LARGE1: variants seen among roughly 807,000 people sequenced by gnomAD.
LARGE1 encodes the protein LARGE xylosyl- and glucuronyltransferase 1.
Under a neutral mutation model 87.6 loss-of-function variants are expected in LARGE1, and 43 were observed. That is an observed-to-expected ratio of 0.49 (90% CI 0.38 to 0.63). LARGE1 has a LOEUF of 0.63. Ranked by LOEUF, LARGE1 falls within the 30% of genes least tolerant of loss-of-function variation. The pLI is 0.00. For synonymous variants in LARGE1, 434 were observed against 394.6 expected (o/e 1.10, Z -1.18); for missense variants, 802 against 1,000.2 (o/e 0.80, Z 2.67).
intron 1 of LARGE1, among the ~76,000 whole-genome samples, chr22:33,796,106 C>T (rs1264384544): frequency 4.6e-5 from 7 of 152,010 alleles, no homozygotes; most frequent in Non-Finnish European, 1.0e-4. Flanking sequence ...ATCTCTGGGC[C>T]TCAGTTTCTT....
chr22:33,124,395 A>AGGAAGGAAGGAAGGAAGGAAGG, the LARGE1 span, among the ~76,000 whole-genome samples: 35 of 148,034 alleles, frequency 2.4e-4, no homozygotes, highest in Admixed American at 3.4e-4. Context: ...GGAGGAAGGA[A>AGGAAGGAAGGAAGGAAGGAAGG]AATGATGGCT....
At chr22:33,649,259 T>C (rs572361531) in intron 3 of LARGE1, among the ~76,000 whole-genome samples, 2 of 152,164 alleles carry the variant, frequency 1.3e-5, no homozygotes, top group Non-Finnish European at 2.9e-5. Context: ...GAGGAAGCCA[T>C]TTGTTAGTGA....
At chr22:33,192,341 A>G (rs1187267430) in intron 11 of LARGE1, among the ~76,000 whole-genome samples, 6 of 152,186 alleles carry the variant, frequency 3.9e-5, no homozygotes, top group African/African-American at 1.4e-4. Context: ...GCCTATTAAA[A>G]GAACTTTCTT....
At chr22:33,409,764 G>C (rs998306316) in intron 7 of LARGE1, among the ~76,000 whole-genome samples, 3 of 151,632 alleles carry the variant, frequency 2.0e-5, no homozygotes, top group Non-Finnish European at 4.4e-5. Context: ...GGGAGGCTGA[G>C]GCAGGAGAAT....
intron 1 of LARGE1, among the ~76,000 whole-genome samples, chr22:33,803,089 G>C (rs979614783): frequency 4.6e-5 from 7 of 152,088 alleles, no homozygotes; most frequent in African/African-American, 1.4e-4. Flanking sequence ...CTCAACACCA[G>C]CAAAGTCCAC....
chr22:33,722,281 GGAGGGA>G (rs1339093582), intron 2 of LARGE1, among the ~76,000 whole-genome samples: 1 of 142,656 alleles, frequency 7.0e-6, no homozygotes, highest in Non-Finnish European at 1.6e-5. Flanking sequence ...GAGAGGGAGA[GGAGGGA>G]GAGGGAGAGG....
intron 3 of LARGE1, among the ~76,000 whole-genome samples, chr22:33,631,161 AT>A (rs376379301): frequency 0.4 from 59,382 of 148,036 alleles, 13,691 homozygotes; most frequent in South Asian, 0.61. Flanking sequence ...CCAACTGTCT[AT>A]TTTTTTTTTT....
intron 5 of LARGE1, among the ~76,000 whole-genome samples, chr22:33,600,928 G>T (rs1003462179): frequency 9.9e-5 from 15 of 152,116 alleles, no homozygotes; most frequent in African/African-American, 3.4e-4. Flanking sequence ...AGCTGGGCCT[G>T]GTAGTGCACG....
At chr22:33,338,431 T>A (rs1449861617) in intron 9 of LARGE1, among the ~76,000 whole-genome samples, 1 of 152,126 alleles carries the variant, frequency 6.6e-6, no homozygotes, top group Non-Finnish European at 1.5e-5. Flanking sequence ...ATCCTAGAGG[T>A]CTGGGTCCTG....
At chr22:33,154,958 G>A in the LARGE1 span, among the ~76,000 whole-genome samples, 1,438 of 152,286 alleles carry the variant, frequency 9.4e-3, 31 homozygotes, top group African/African-American at 0.033. Flanking sequence ...AAAAATGGGA[G>A]TTTCCCTGCA....
At chr22:33,749,964 G>A (rs1394253659) in intron 2 of LARGE1, among the ~76,000 whole-genome samples, 3 of 152,004 alleles carry the variant, frequency 2.0e-5, no homozygotes, top group Admixed American at 1.3e-4. Flanking sequence ...TTGCTCAAAC[G>A]GTACAACGTC....
chr22:33,192,704 T>C (rs1373451687), intron 11 of LARGE1, among the ~76,000 whole-genome samples: 2 of 151,900 alleles, frequency 1.3e-5, no homozygotes, highest in Non-Finnish European at 2.9e-5. Context: ...TTTGCTTTTG[T>C]GGCCTGTGCT....
At chr22:33,127,937 C>A in the LARGE1 span, among the ~76,000 whole-genome samples, 2 of 152,222 alleles carry the variant, frequency 1.3e-5, no homozygotes, top group Non-Finnish European at 2.9e-5. Flanking sequence ...ATATCTGGAA[C>A]ATTTTGTCCA....
intron 7 of LARGE1, among the ~76,000 whole-genome samples, chr22:33,425,564 T>C (rs1330329186): frequency 6.6e-6 from 1 of 152,182 alleles, no homozygotes; most frequent in Non-Finnish European, 1.5e-5. Context: ...GGAGTAGACA[T>C]TTCTATTGAG....
chr22:33,737,680 G>A (rs189752930), intron 2 of LARGE1: 4 of 152,274 alleles, frequency 2.6e-5, no homozygotes, highest in Admixed American at 6.5e-5. Flanking sequence ...ATTCAAGTAC[G>A]GGGGAAGTGG....
chr22:33,814,267 A>G (rs2086585153), intron 1 of LARGE1, among the ~76,000 whole-genome samples: 1 of 152,166 alleles, frequency 6.6e-6, no homozygotes, highest in Non-Finnish European at 1.5e-5. Flanking sequence ...CCCTAAAGCT[A>G]AGACACTGAG....
the LARGE1 span, among the ~76,000 whole-genome samples, chr22:33,138,445 T>TA: frequency 1.6e-5 from 2 of 122,568 alleles, no homozygotes; most frequent in South Asian, 4.2e-4. Flanking sequence ...GACTTTTATT[T>TA]TTTCATTTTT....
intron 6 of LARGE1, among the ~76,000 whole-genome samples, chr22:33,477,723 A>G (rs2069139722): frequency 6.6e-6 from 1 of 152,228 alleles, no homozygotes. Context: ...ATGACCCAGG[A>G]AAGTACTAAG....
At chr22:33,762,213 CAAAAA>C (rs56832457) in intron 1 of LARGE1, among the ~76,000 whole-genome samples, 4 of 84,460 alleles carry the variant, frequency 4.7e-5, no homozygotes, top group African/African-American at 1.5e-4. Flanking sequence ...GATTCTATCT[CAAAAA>C]AAAAAAAAAA....
Sources: allele counts gnomAD v4.1 joint callset (sites outside exome capture counted in the v4.1 genomes callset), GRCh38; gene constraint gnomAD v4.1.1; transcripts MANE v1.5; gene names NCBI Gene and HGNC (gene_info 2026-07-23, HGNC 2026-07-21).